Variants in NAV1 observed in about 807,000 individuals in gnomAD.
NAV1 encodes pore membrane and/or filament interacting like protein 3.
NAV1 carries 18 observed loss-of-function variants against 175.2 expected under a neutral mutation model. The ratio of observed to expected loss-of-function variants is 0.10; its 90% CI spans 0.07 to 0.15. NAV1 has a LOEUF of 0.15. NAV1 is among the 10% of genes least tolerant of loss of function. The pLI is 1.00. For missense variants in NAV1, 1,731 were observed against 2,436.6 expected (o/e 0.71, Z 6.10); for synonymous variants, 897 against 978.7 (o/e 0.92, Z 1.56).
At chr1:201,698,321 C>T (rs1393551002) in intron 1 of NAV1, among the ~76,000 whole-genome samples, 1 of 152,240 alleles carries the variant, frequency 6.6e-6, no homozygotes, top group Non-Finnish European at 1.5e-5. Flanking sequence ...CGGATGATGC[C>T]TGACCACAGC....
At chr1:201,790,644 T>C in intron 12 of NAV1, 45 bp from the exon 17 acceptor site, 1 of 1,613,988 alleles carries the variant, frequency 6.2e-7, no homozygotes, top group Non-Finnish European at 8.5e-7. Flanking sequence ...CCAAATCTTA[T>C]ACAGCTTCTG....
At chr1:201,635,239 G>T (rs935829355) in intron 2 of NAV1, among the ~76,000 whole-genome samples, 1 of 151,690 alleles carries the variant, frequency 6.6e-6, no homozygotes, top group Non-Finnish European at 1.5e-5. Flanking sequence ...TAGAGACGGG[G>T]TTTCACTGTG....
intron 3 of NAV1, 81 bp from the exon 8 acceptor site, chr1:201,780,340 A>G: frequency 1.3e-5 from 21 of 1,557,102 alleles, no homozygotes; most frequent in Non-Finnish European, 1.9e-5. Flanking sequence ...GTGCAGAGCC[A>G]TTCTTGCATC....
chr1:201,711,559 T>C (rs1671907306), intron 1 of NAV1, among the ~76,000 whole-genome samples: 1 of 152,196 alleles, frequency 6.6e-6, no homozygotes, highest in Non-Finnish European at 1.5e-5. Context: ...GAGGGGGCGT[T>C]TGGCCTCTGC....
At chr1:201,649,133 C>A (rs759700273) in exon 1 of NAV1, 2 of 1,612,040 alleles carry the variant, frequency 1.2e-6, no homozygotes, top group Non-Finnish European at 1.7e-6. Context: ...GCCCGGCGGG[C>A]GGCGCCAAGA....
intron 17 of NAV1, among the ~76,000 whole-genome samples, chr1:201,805,450 C>G (rs1356199486): frequency 1.3e-5 from 2 of 152,068 alleles, no homozygotes; most frequent in Non-Finnish European, 2.9e-5. Context: ...TACACAGACA[C>G]TGTCTGTGCA....
Position 201,782,927 on chromosome 1 carries a change from C to A in NAV1, c.2357+58C>A. ...TTTGCTTTGTCATTCTTTCGCATATCTCTGCCCTCCTTGGACTAGATGAGG... is the reference window on the plus strand; with the variant it reads ...TTTGCTTTGTCATTCTTTCGCATATATCTGCCCTCCTTGGACTAGATGAGG... On this transcript the variant is annotated intron_variant, in intron 6 of 29. Transcript: ENST00000367296. This position sits in a 1 kb window ranked among gnomAD's most constrained non-coding sequence, Gnocchi z 5.4. The A allele has an allele frequency of 1.4e-6, 2 of 1,442,232 alleles. No individual in the cohort carries two copies. Among genetic ancestry groups the A allele is most frequent in the South Asian group, 1.4e-5 (1 of 74,062 alleles). The allele number at this position is 1,442,232 out of a possible 1,614,324, so 89.3% of individuals were successfully genotyped here.
exon 1 of NAV1, chr1:201,648,584 C>T: frequency 3.2e-6 from 4 of 1,265,636 alleles, no homozygotes; most frequent in Non-Finnish European, 4.0e-6. Context: ...TCCTCCCCCG[C>T]CTCCTCCTCC....
intron 1 of NAV1, among the ~76,000 whole-genome samples, chr1:201,552,710 G>A (rs752261234): frequency 7.3e-4 from 111 of 152,166 alleles, no homozygotes; most frequent in Non-Finnish European, 1.3e-3. Flanking sequence ...TGGATGCCCC[G>A]TGGCTCGCTG....
chr1:201,756,987 G>A (rs1469130671), intron 3 of NAV1, among the ~76,000 whole-genome samples: 1 of 151,992 alleles, frequency 6.6e-6, no homozygotes. Context: ...AATAGTGGCA[G>A]GTCTGGCATA....
At chr1:201,650,158 A>G (rs914353747) in intron 1 of NAV1, among the ~76,000 whole-genome samples, 1 of 152,168 alleles carries the variant, frequency 6.6e-6, no homozygotes, top group Admixed American at 6.5e-5. Context: ...CCCTGTGGCT[A>G]ATGGAAGCCG....
At chr1:201,550,051 C>T (rs77959867) in intron 1 of NAV1, among the ~76,000 whole-genome samples, 3,025 of 150,806 alleles carry the variant, frequency 0.02, 104 homozygotes, top group African/African-American at 0.07. Context: ...GGGTGCCCGC[C>T]GGGCATGCTC....
chr1:201,812,532 C>T lies in NAV1; in HGVS notation c.5092C>T (p.Leu1698=), dbSNP rs1678757590. The change falls in exon 27 of 30, where the codon CTG becomes TTG. Residue 1698 remains leucine, a synonymous_variant. Transcript: ENST00000367296. This position sits in a 1 kb window ranked among gnomAD's most constrained non-coding sequence, Gnocchi z 4.6. ...CCTGGTTCGTTACCTGAGGAGGAAG[C>T]TGGTAGAGTCAGACAGCGACATCAA... 2 of 1,614,176 alleles carry T rather than the reference C, an allele frequency of 1.2e-6. No individual in the cohort carries two copies. Among genetic ancestry groups the T allele is most frequent in the South Asian group, 1.1e-5 (1 of 91,088 alleles).
At chr1:201,795,113 A>G (rs1012818032) in intron 15 of NAV1, 1 of 153,334 alleles carries the variant, frequency 6.5e-6, no homozygotes, top group Non-Finnish European at 1.5e-5. Context: ...TCAGGTCTTC[A>G]AGATACCTTG....
chr1:201,677,362 C>T (rs181900208), intron 1 of NAV1, among the ~76,000 whole-genome samples: 49 of 152,144 alleles, frequency 3.2e-4, no homozygotes, highest in Non-Finnish European at 8.8e-5. Context: ...GAAAGGACCA[C>T]TATGTTGTGA....
At chr1:201,749,576 C>T (rs12141061) in intron 3 of NAV1, among the ~76,000 whole-genome samples, 14,253 of 152,216 alleles carry the variant, frequency 0.094, 702 homozygotes, top group Middle Eastern at 0.21. Context: ...TGCATTTGCT[C>T]CCAAACCTGT....
chr1:201,648,659 C>G, exon 1 of NAV1: 1 of 1,388,364 alleles, frequency 7.2e-7, no homozygotes, highest in Non-Finnish European at 9.3e-7. Flanking sequence ...ATGCGCTCCT[C>G]GCGGGCAGAA....
chr1:201,742,881 C>G (rs1209276567), intron 3 of NAV1, among the ~76,000 whole-genome samples: 1 of 152,136 alleles, frequency 6.6e-6, no homozygotes, highest in African/African-American at 2.4e-5. Context: ...AGCCCCTGCC[C>G]TGAGCTTGGG....
intron 13 of NAV1, chr1:201,792,481 A>T (rs1419306664): frequency 2.0e-5 from 3 of 152,404 alleles, no homozygotes; most frequent in Non-Finnish European, 4.4e-5. Flanking sequence ...AGTGTAGGGG[A>T]GAGCGGGGAG....
Sources: allele counts gnomAD v4.1 joint callset (sites outside exome capture counted in the v4.1 genomes callset), GRCh38; gene constraint gnomAD v4.1.1; non-coding constraint Gnocchi (gnomAD v3.1); transcripts MANE v1.5; gene names NCBI Gene and HGNC (gene_info 2026-07-23, HGNC 2026-07-21).